The following KCNK10 variants were observed in gnomAD, a reference collection of about 807,000 sequenced individuals.
KCNK10 encodes potassium channel subfamily K member 10.
In KCNK10, 25 loss-of-function variants were observed where a neutral mutation model predicts 47.7. The ratio of observed to expected loss-of-function variants is 0.52; its 90% confidence interval spans 0.38 to 0.73. The LOEUF (loss-of-function observed/expected upper bound fraction) is 0.73. Among genes scored for constraint, KCNK10 ranks in the 30% least tolerant of loss-of-function variants. The pLI, the probability that KCNK10 is intolerant of heterozygous loss-of-function variation, is 0.00. For missense variants in KCNK10, 563 were observed against 714.5 expected (o/e 0.79, Z 2.42); for synonymous variants, 303 against 285.6 (o/e 1.06, Z -0.61).
Position 88,245,155 on chromosome 14 carries a change from C to A in KCNK10, c.403-4335G>T, listed in dbSNP as rs1886594484. 3.3e-5 allele frequency among the ~76,000 whole-genome samples: 5 copies of A among 152,002 alleles called. No individual in the cohort carries two copies. In the South Asian group the frequency reaches 1.0e-3, roughly 31 times the overall value. On this transcript the variant is annotated intron_variant, in intron 2 of 6. Transcript: ENST00000319231. ...TAATAAATTTAGATATATTATCTTC[C>A]CAGAGGTGTGAGAGGAAAACATTTT...
intron 1 of KCNK10, among the ~76,000 whole-genome samples, chr14:88,294,968 G>A (rs1328023557): frequency 1.3e-5 from 2 of 152,110 alleles, no homozygotes; most frequent in African/African-American, 4.8e-5. Context: ...TCTTATATGT[G>A]TTTGCTCATC....
At chr14:88,286,108 A>C (rs186996750) in intron 1 of KCNK10, among the ~76,000 whole-genome samples, 128 of 152,276 alleles carry the variant, frequency 8.4e-4, no homozygotes, top group African/African-American at 3.0e-3. Context: ...CCACGCTGAG[A>C]TCTCAGCCAA....
chr14:88,193,149 G>A (rs1053695812), intron 4 of KCNK10, among the ~76,000 whole-genome samples: 1 of 152,174 alleles, frequency 6.6e-6, no homozygotes, highest in Admixed American at 6.5e-5. Flanking sequence ...CGTCTAAATG[G>A]GTAGTAGGAC....
In KCNK10 at chr14:88,253,924, C is replaced by T. The variant is rs137932267; in HGVS notation, c.402+9278G>A. 5.2e-3 allele frequency among the ~76,000 whole-genome samples: 794 copies of T among 152,138 alleles called. 3 individuals are homozygous for T. Among genetic ancestry groups the T allele is most frequent in the Non-Finnish European group, 7.4e-3 (505 of 68,008 alleles). ...GGGGCAGAGAGGGGAAGCCCATAGACGTCATAAAGTGAAAACCAATGGTAA... is the reference window on the plus strand; with the variant it reads ...GGGGCAGAGAGGGGAAGCCCATAGATGTCATAAAGTGAAAACCAATGGTAA... On this transcript the variant is annotated intron_variant, in intron 2 of 6. Coordinates refer to ENST00000319231, the MANE Select transcript of KCNK10 (RefSeq NM_138317.3).
At chr14:88,276,164 A>G (rs1382800826) in intron 1 of KCNK10, among the ~76,000 whole-genome samples, 1 of 151,876 alleles carries the variant, frequency 6.6e-6, no homozygotes, top group Non-Finnish European at 1.5e-5. Context: ...CTGAAATCTA[A>G]CCCTCAATGT....
chr14:88,279,190 A>C (rs908244977), intron 1 of KCNK10, among the ~76,000 whole-genome samples: 3 of 152,166 alleles, frequency 2.0e-5, no homozygotes, highest in African/African-American at 7.2e-5. Flanking sequence ...AGGTCCTACT[A>C]TGGGCTCAGC....
At chr14:88,210,824 T>C (rs1467972847) in intron 4 of KCNK10, among the ~76,000 whole-genome samples, 1 of 101,960 alleles carries the variant, frequency 9.8e-6, no homozygotes, top group African/African-American at 3.5e-5. Context: ...CTATAAAAGT[T>C]AAAGGAAAAA....
chr14:88,268,616 T>C (rs998968598), intron 1 of KCNK10, among the ~76,000 whole-genome samples: 2 of 152,204 alleles, frequency 1.3e-5, no homozygotes, highest in Non-Finnish European at 2.9e-5. Flanking sequence ...AGGAACGACA[T>C]TTGTTTCAAA....
At chr14:88,295,425 C>T (rs977314183) in intron 1 of KCNK10, among the ~76,000 whole-genome samples, 2 of 152,084 alleles carry the variant, frequency 1.3e-5, no homozygotes, top group Non-Finnish European at 1.5e-5. Context: ...TTTGGGAGGC[C>T]GAGGCAGGCA....
chr14:88,275,613 C>A (rs1033450330), intron 1 of KCNK10, among the ~76,000 whole-genome samples: 3 of 150,224 alleles, frequency 2.0e-5, no homozygotes, highest in Non-Finnish European at 4.4e-5. Flanking sequence ...CTTTGTGAGG[C>A]CGAGGCAGGG....
chr14:88,245,800 T>C (rs1022191445), intron 2 of KCNK10, among the ~76,000 whole-genome samples: 3 of 152,252 alleles, frequency 2.0e-5, no homozygotes, highest in African/African-American at 7.2e-5. Flanking sequence ...TGATCTATTG[T>C]CCAAAGCAGG....
chr14:88,241,968 C>A (rs1427093201), intron 2 of KCNK10, among the ~76,000 whole-genome samples: 2 of 152,154 alleles, frequency 1.3e-5, no homozygotes, highest in Non-Finnish European at 2.9e-5. Flanking sequence ...GCAGCCGAAA[C>A]ACATGCTGTT....
chr14:88,186,565 T>G lies in KCNK10; in HGVS notation c.1012-410A>C, dbSNP rs570775929. Among the ~76,000 whole-genome samples, 2 of 152,234 alleles carry G rather than the reference T, an allele frequency of 1.3e-5. No individual in the cohort carries two copies. Among genetic ancestry groups the G allele is most frequent in the African/African-American group, 4.8e-5 (2 of 41,548 alleles). On this transcript the variant is annotated intron_variant, in intron 6 of 6. Transcript: ENST00000319231. This position sits in a 1 kb window ranked among gnomAD's most constrained non-coding sequence, Gnocchi z 5.5. ...ATATAGCTCACCTGAGACAAGGAAATGCACCTCACTCAGTCCTGGGCACAG... is the reference window on the plus strand; with the variant it reads ...ATATAGCTCACCTGAGACAAGGAAAGGCACCTCACTCAGTCCTGGGCACAG...
chr14:88,311,421 T>C (rs916110768), intron 1 of KCNK10, among the ~76,000 whole-genome samples: 1 of 152,092 alleles, frequency 6.6e-6, no homozygotes, highest in African/African-American at 2.4e-5. Flanking sequence ...TCATGCGCCA[T>C]GCCACACCTC....
chr14:88,276,293 G>A (rs943623753), intron 1 of KCNK10, among the ~76,000 whole-genome samples: 3 of 131,296 alleles, frequency 2.3e-5, no homozygotes, highest in Non-Finnish European at 4.5e-5. Flanking sequence ...TCCTTCCACC[G>A]AGTGAGGACA....
intron 2 of KCNK10, among the ~76,000 whole-genome samples, chr14:88,258,834 C>A (rs970516442): frequency 2.0e-4 from 30 of 152,294 alleles, no homozygotes; most frequent in African/African-American, 6.5e-4. Context: ...TCCCTCCCCA[C>A]GATGGCTGTA....
chr14:88,208,013 G>A (rs2139847058), intron 4 of KCNK10, among the ~76,000 whole-genome samples: 1 of 152,332 alleles, frequency 6.6e-6, no homozygotes, highest in South Asian at 2.1e-4. Context: ...TGCAAACGCA[G>A]AGATCCACTG....
chr14:88,213,702 GT>G (rs1885529204), intron 4 of KCNK10, among the ~76,000 whole-genome samples: 1 of 152,056 alleles, frequency 6.6e-6, no homozygotes, highest in Non-Finnish European at 1.5e-5. Flanking sequence ...TTTCTAGATA[GT>G]TTCCTCTATC....
intron 1 of KCNK10, among the ~76,000 whole-genome samples, chr14:88,316,309 C>A (rs1477566209): frequency 6.6e-6 from 1 of 151,848 alleles, no homozygotes; most frequent in African/African-American, 2.4e-5. Flanking sequence ...CAGTCCTAGA[C>A]ACTCACAGGG....
Sources: gnomAD v4.1 joint callset for allele counts (sites outside exome capture counted in the v4.1 genomes callset) on GRCh38, gnomAD v4.1.1 for gene constraint, Gnocchi (gnomAD v3.1) non-coding constraint, MANE v1.5 for transcripts, NCBI Gene and HGNC (gene_info 2026-07-23, HGNC 2026-07-21) for gene names.